CREG2: variants seen among roughly 807,000 people sequenced by gnomAD.
CREG2 encodes protein CREG2.
Under a neutral mutation model 26.2 loss-of-function variants are expected in CREG2, and 24 were observed. That is an observed-to-expected ratio of 0.92 (90% CI 0.66 to 1.29). The LOEUF (loss-of-function observed/expected upper bound fraction) is 1.29, where lower values mean the gene tolerates loss of function less well. Among genes scored for constraint, CREG2 ranks in the 50% most tolerant of loss-of-function variants. CREG2 has a pLI of 0.00. For missense variants in CREG2, 366 were observed against 398.6 expected, an observed-to-expected ratio of 0.92 and a Z score of 0.70; for synonymous variants, 174 against 169.2, an observed-to-expected ratio of 1.03 and a Z score of -0.22.
intron 2 of CREG2, among the ~76,000 whole-genome samples, chr2:101,379,511 A>T (rs1462246166): frequency 6.6e-6 from 1 of 152,134 alleles, no homozygotes; most frequent in Non-Finnish European, 1.5e-5. Context: ...TTCAACTTGG[A>T]TCTAACTTTA....
chr2:101,386,561 G>A (rs1381963102), intron 1 of CREG2, among the ~76,000 whole-genome samples: 3 of 152,138 alleles, frequency 2.0e-5, no homozygotes, highest in Non-Finnish European at 4.4e-5. Flanking sequence ...CGAAGCCCTC[G>A]TGCTCTCTCT....
In CREG2 at chr2:101,387,333, A is replaced by G. The variant is rs1176207465; in HGVS notation, c.125T>C (p.Val42Ala). 2 of 1,451,490 alleles carry G rather than the reference A, an allele frequency of 1.4e-6. No individual in the cohort carries two copies. The highest frequency in any genetic ancestry group is 2.2e-5 in the Admixed American group (1 of 45,948). 89.9% of individuals were successfully genotyped at this position (1,451,490 alleles called of 1,614,324 possible). The change falls in exon 1 of 4, where the codon GTC becomes GCC. Residue 42 changes from valine to alanine, a missense_variant. Val to Ala is a moderately conservative substitution (Grantham distance 64). Around this residue, in one of 3 missense-constraint regions of CREG2, gnomAD observed 177 missense variants for 183.3 expected, o/e 0.97. Transcript: ENST00000324768. This position sits in a 1 kb window ranked among gnomAD's most constrained non-coding sequence, Gnocchi z 4.7. ...CAGCTCCTCGTCCACCTCGTTGGTG[A>G]CGGCCCAAGACACGGAGCTCACGAT... ...YVIVSSVSWA[V>A]TNEVDEELDS...
chr2:101,358,720 T>C (rs1684496748), intron 2 of CREG2, among the ~76,000 whole-genome samples: 2 of 152,270 alleles, frequency 1.3e-5, no homozygotes, highest in Admixed American at 6.5e-5. Flanking sequence ...AGAATTCAGC[T>C]GAGGGGGGCA....
chr2:101,354,303 C>T (rs754049927), intron 3 of CREG2, among the ~76,000 whole-genome samples: 2 of 152,166 alleles, frequency 1.3e-5, no homozygotes, highest in Non-Finnish European at 2.9e-5. Context: ...CGCACACACA[C>T]ACGCACACTG....
At chr2:101,353,804 G>A (rs1199437561) in intron 3 of CREG2, among the ~76,000 whole-genome samples, 1 of 152,174 alleles carries the variant, frequency 6.6e-6, no homozygotes, top group Non-Finnish European at 1.5e-5. Context: ...ATGAGTTCAT[G>A]TCCTTTGCAG....
At chr2:101,355,542 C>T (rs1357353948) in intron 2 of CREG2, among the ~76,000 whole-genome samples, 176 bp from the exon 3 acceptor site, 1 of 152,134 alleles carries the variant, frequency 6.6e-6, no homozygotes, top group Non-Finnish European at 1.5e-5. Context: ...TTAAAATACT[C>T]AGGCCTTGCA....
chr2:101,352,510 T>C (rs1684398490), intron 3 of CREG2, among the ~76,000 whole-genome samples: 1 of 152,042 alleles, frequency 6.6e-6, no homozygotes, highest in African/African-American at 2.4e-5. Flanking sequence ...TGAGGGCTTA[T>C]AAAAAGGTAG....
intron 2 of CREG2, among the ~76,000 whole-genome samples, chr2:101,362,776 A>G (rs1399056321): frequency 2.6e-5 from 4 of 152,196 alleles, no homozygotes; most frequent in Non-Finnish European, 4.4e-5. Context: ...CTTTAGAGTC[A>G]GCTACCCATG....
rs1376474444 is a variant in CREG2 at position 101,348,500 on chromosome 2, G to A, written c.*2423C>T. The A allele has an allele frequency of 3.3e-5, 5 of 152,048 alleles. No individual in the cohort carries two copies. Among genetic ancestry groups the A allele is most frequent in the East Asian group, 1.9e-4 (1 of 5,176 alleles). The allele number at this position is 152,048 out of a possible 1,614,324, so 9.4% of individuals were successfully genotyped here. A position where few individuals can be genotyped will look rare whatever the true frequency, so the allele number is the denominator to read the frequency against. On this transcript the variant is annotated 3_prime_UTR_variant, in exon 4 of 4. Coordinates refer to ENST00000324768, the MANE Select transcript of CREG2 (RefSeq NM_153836.4). ...GCATTTAAAAATTTTCACTACATAGGTCCTGGGTAAGTTTTGTTTATACGG... is the reference window on the plus strand; with the variant it reads ...GCATTTAAAAATTTTCACTACATAGATCCTGGGTAAGTTTTGTTTATACGG...
chr2:101,383,407 A>C, intron 2 of CREG2, 126 bp downstream of exon 2: 1 of 844,660 alleles, frequency 1.2e-6, no homozygotes, highest in Admixed American at 2.7e-5. Context: ...ATCTGATTTC[A>C]AGGGTGAACA....
At chr2:101,365,555 G>C (rs538757963) in intron 2 of CREG2, among the ~76,000 whole-genome samples, 2 of 152,234 alleles carry the variant, frequency 1.3e-5, no homozygotes, top group South Asian at 4.2e-4. Flanking sequence ...TATTCTTAGG[G>C]CACAGAAAAA....
intron 2 of CREG2, chr2:101,382,559 C>T (rs1390719532): frequency 1.0e-6 from 1 of 985,220 alleles, no homozygotes; most frequent in Non-Finnish European, 1.2e-6. Context: ...TTCCTGGCTT[C>T]TTGCTGTAAC....
In CREG2 at chr2:101,347,350, G is replaced by C. The variant is rs1684322887; in HGVS notation, c.*3573C>G. The stretch of plus-strand genomic sequence containing the variant: ...TATAAATGCCCAGGAGCAATTGAGG[G>C]TCAGTATGGCAGTTGTATGTTTAGT... On this transcript the variant is annotated 3_prime_UTR_variant, in exon 4 of 4. Transcript: ENST00000324768. The C allele has an allele frequency of 6.6e-6, 1 of 152,180 alleles. No homozygotes were observed. The highest frequency in any genetic ancestry group is 1.5e-5 in the Non-Finnish European group (1 of 68,038). The allele number at this position is 152,180 out of a possible 1,614,324, so 9.4% of individuals were successfully genotyped here. A position where few individuals can be genotyped will look rare whatever the true frequency, so the allele number is the denominator to read the frequency against.
chr2:101,376,767 C>A (rs1684798159), intron 2 of CREG2, among the ~76,000 whole-genome samples: 1 of 152,186 alleles, frequency 6.6e-6, no homozygotes, highest in Non-Finnish European at 1.5e-5. Flanking sequence ...GTTACCATCA[C>A]ATGATCAAAT....
Position 101,355,410 on chromosome 2 carries a change from ACATCAGC to A in CREG2, c.612-51_612-45del, listed in dbSNP as rs767595597. On this transcript the variant is annotated intron_variant, in intron 2 of 3. Transcript: ENST00000324768. ...TTTTGTATATCAGAACAAGGACAGA[ACATCAGC>A]CAGCAATTCTAACGATTTTATAAAC... The A allele has an allele frequency of 5.6e-6, 7 of 1,243,148 alleles. No individual in the cohort carries two copies. The African/African-American group carries it at 8.8e-5, about 16-fold the overall frequency. 77.0% of individuals were successfully genotyped at this position (1,243,148 alleles called of 1,614,324 possible).
At chr2:101,366,443 A>C (rs1176445477) in intron 2 of CREG2, among the ~76,000 whole-genome samples, 1 of 152,160 alleles carries the variant, frequency 6.6e-6, no homozygotes, top group Non-Finnish European at 1.5e-5. Context: ...GGCCTTCCAC[A>C]TCCATGGATT....
intron 2 of CREG2, among the ~76,000 whole-genome samples, chr2:101,372,706 A>G (rs1684727440): frequency 6.6e-6 from 1 of 152,248 alleles, no homozygotes; most frequent in Non-Finnish European, 1.5e-5. Context: ...AGAGAAAATT[A>G]GAGAAAGACA....
rs2104464864 is a variant in CREG2, at chr2:101,345,609, TG to T, written c.*5313del. 1 of 152,354 alleles carries T rather than the reference TG, an allele frequency of 6.6e-6. No individual in the cohort carries two copies. The highest frequency in any genetic ancestry group is 1.9e-4 in the East Asian group (1 of 5,188). The allele number at this position is 152,354 out of a possible 1,614,324, so 9.4% of individuals were successfully genotyped here. A position where few individuals can be genotyped will look rare whatever the true frequency, so the allele number is the denominator to read the frequency against. ...ATCATATCAGGAATGAAATAGTCTT[TG>T]GTTAAATAGATCTAGTTTTGAAAAC... On this transcript the variant is annotated 3_prime_UTR_variant, in exon 4 of 4. Transcript: ENST00000324768.
chr2:101,360,848 G>A (rs1225308150), intron 2 of CREG2, among the ~76,000 whole-genome samples: 1 of 152,086 alleles, frequency 6.6e-6, no homozygotes, highest in African/African-American at 2.4e-5. Flanking sequence ...AAGAATGATG[G>A]AATGTAATCT....
Sources: gnomAD v4.1 joint callset for allele counts (sites outside exome capture counted in the v4.1 genomes callset) on GRCh38, gnomAD v4.1.1 for gene constraint, gnomAD v4.1.1 regional missense constraint, Gnocchi (gnomAD v3.1) non-coding constraint, MANE v1.5 for transcripts, NCBI Gene and HGNC (gene_info 2026-07-23, HGNC 2026-07-21) for gene names.